CACNA1S: variants seen among roughly 807,000 people sequenced by gnomAD.
CACNA1S encodes the protein voltage-dependent L-type calcium channel subunit alpha-1S.
Under a neutral mutation model 207.4 loss-of-function variants are expected in CACNA1S, and 126 were observed. That is an observed-to-expected ratio of 0.61 (90% CI 0.53 to 0.70). The LOEUF is 0.70. Among genes scored for constraint, CACNA1S ranks in the 30% least tolerant of loss-of-function variants. CACNA1S has a pLI of 0.00. For synonymous variants in CACNA1S, 960 were observed against 932.7 expected (o/e 1.03, Z -0.53); for missense variants, 2,349 against 2,422.8 (o/e 0.97, Z 0.64).
intron 28 of CACNA1S, 135 bp downstream of exon 28, chr1:201,058,273 C>T (rs986094833): frequency 4.9e-5 from 38 of 780,722 alleles, no homozygotes; most frequent in Non-Finnish European, 5.9e-5. Context: ...GGGCAGAAGC[C>T]GTGACTTGTC....
At chr1:201,075,447 C>T in intron 13 of CACNA1S, 48 bp downstream of exon 13, 2 of 1,598,620 alleles carry the variant, frequency 1.3e-6, no homozygotes, top group Non-Finnish European at 1.7e-6. Context: ...GCCCTTTCCC[C>T]CACCCCCTCC....
chr1:201,100,756 G>T (rs1246506659), intron 2 of CACNA1S, among the ~76,000 whole-genome samples: 1 of 152,092 alleles, frequency 6.6e-6, no homozygotes, highest in Non-Finnish European at 1.5e-5. Flanking sequence ...GGGTAATGAG[G>T]ATAATAATAG....
At chr1:201,062,597 T>C in intron 22 of CACNA1S, 83 bp from the exon 23 acceptor site, 1 of 1,231,430 alleles carries the variant, frequency 8.1e-7, no homozygotes, top group East Asian at 2.4e-5. Context: ...GAGTGAACAG[T>C]GGAAGGGGGG....
chr1:201,075,653 G>C, intron 12 of CACNA1S, 38 bp from the exon 13 acceptor site: 8 of 1,611,590 alleles, frequency 5.0e-6, no homozygotes, highest in Non-Finnish European at 5.9e-6. Context: ...GGAACACAGA[G>C]GGGCCTGAGA....
At position 201,110,107 on chromosome 1, in the gene CACNA1S, C is replaced by T. The variant is rs1325310; in HGVS notation, c.258+57G>A. On this transcript the variant is annotated intron_variant, in intron 2 of 43. Transcript: ENST00000362061. ...CCAGAACAGAGTCCACCAAGGGGGC[C>T]TCCCCAAGCCTGGGGCTGCAGGCTC... is the stretch of plus-strand genomic sequence containing the variant. 429,801 of 1,500,426 alleles carry T rather than the reference C, an allele frequency of 0.29. 67,305 individuals carry two copies. The highest frequency in any genetic ancestry group is 0.65 in the East Asian group (28,645 of 44,308). The allele number at this position is 1,500,426 out of a possible 1,614,324, so 92.9% of individuals were successfully genotyped here.
chr1:201,097,486 G>T (rs375911908), intron 2 of CACNA1S, among the ~76,000 whole-genome samples: 1 of 152,112 alleles, frequency 6.6e-6, no homozygotes, highest in African/African-American at 2.4e-5. Flanking sequence ...GTGTCCCTGA[G>T]GCCCACTGTC....
chr1:201,049,180 G>A, intron 34 of CACNA1S, 81 bp from the exon 35 acceptor site: 1 of 967,748 alleles, frequency 1.0e-6, no homozygotes, highest in Non-Finnish European at 1.6e-6. Context: ...TGGGCAATGG[G>A]AAAGAAAGCC....
intron 22 of CACNA1S, among the ~76,000 whole-genome samples, chr1:201,065,506 C>T (rs113098582): frequency 1.3e-5 from 2 of 152,264 alleles, no homozygotes; most frequent in African/African-American, 4.8e-5. Context: ...AGAGATGGGG[C>T]TTGAATTGTA....
chr1:201,068,731 G>A (rs1438887732), intron 19 of CACNA1S, among the ~76,000 whole-genome samples: 1 of 151,992 alleles, frequency 6.6e-6, no homozygotes, highest in Admixed American at 6.5e-5. Flanking sequence ...AATTAGCTGG[G>A]TGTGGTGGCA....
At chr1:201,059,989 A>T (rs1018497800) in intron 26 of CACNA1S, among the ~76,000 whole-genome samples, 1 of 152,232 alleles carries the variant, frequency 6.6e-6, no homozygotes, top group Non-Finnish European at 1.5e-5. Context: ...CCTTGGCAGG[A>T]CTGCCCAATT....
intron 2 of CACNA1S, among the ~76,000 whole-genome samples, chr1:201,102,020 G>A (rs1483388758): frequency 6.6e-6 from 1 of 152,220 alleles, no homozygotes; most frequent in Non-Finnish European, 1.5e-5. Flanking sequence ...GAAGACGGTA[G>A]TCCCCTGGCC....
Position 201,040,221 on chromosome 1 carries a change from C to T in CACNA1S, c.5370+10G>A, listed in dbSNP as rs368138384. 305 of 1,613,178 alleles carry T rather than the reference C, an allele frequency of 1.9e-4. 2 individuals are homozygous for T. In the African/African-American group the frequency reaches 3.2e-3, roughly 17 times the overall value. ...ATGCAGCCACTGCTGTGACCCAGCC[C>T]CTGGCTCACCTTTTGGATCAGCAGG... On this transcript the variant is annotated intron_variant, in intron 43 of 43. Transcript: ENST00000362061.
chr1:201,098,418 C>T (rs1481953092), intron 2 of CACNA1S, among the ~76,000 whole-genome samples: 3 of 152,258 alleles, frequency 2.0e-5, no homozygotes, highest in East Asian at 1.9e-4. Context: ...ATGGCAAATC[C>T]CAGCTGGCAC....
In CACNA1S at chr1:201,076,973, C is replaced by T. The variant is rs763698331; in HGVS notation, c.1774G>A (p.Val592Ile). The stretch of plus-strand genomic sequence containing the variant: ...AAGTTGTCAAAGTTGCTGCGCCGTA[C>T]TTCTGTGTCTTCAAAGTCATACCTC... ...GGRYDFEDTE[V>I]RRSNFDNFPQ... Residue 592 changes from valine (V) to isoleucine (I), a missense_variant, in exon 12 of 44, where the codon GTA becomes ATA. Val to Ile is a conservative substitution (Grantham distance 29, BLOSUM62 3). Transcript: ENST00000362061. 1 of 1,614,254 alleles carries T rather than the reference C, an allele frequency of 6.2e-7. No individual in the cohort carries two copies. Among genetic ancestry groups the T allele is most frequent in the South Asian group, 1.1e-5 (1 of 91,086 alleles).
chr1:201,069,266 A>G (rs1043646549), intron 18 of CACNA1S, 70 bp from the exon 19 acceptor site: 8 of 1,500,476 alleles, frequency 5.3e-6, no homozygotes, highest in Non-Finnish European at 7.4e-6. Context: ...CAGCAGCAGC[A>G]GCATAAAGCA....
chr1:201,055,537 A>T (rs1418908434), intron 28 of CACNA1S, among the ~76,000 whole-genome samples: 8 of 152,230 alleles, frequency 5.3e-5, no homozygotes, highest in African/African-American at 1.9e-4. Flanking sequence ...GCCATTAGCC[A>T]CATGTGACTA....
chr1:201,049,213 T>A (rs1558055526), intron 34 of CACNA1S, 114 bp from the exon 35 acceptor site: 3 of 738,560 alleles, frequency 4.1e-6, no homozygotes, highest in Non-Finnish European at 7.1e-6. Flanking sequence ...AGCATTTCCT[T>A]ATTTTCCAAC....
Position 201,066,201 on chromosome 1 carries a change from T to A in CACNA1S, c.2745+28A>T, listed in dbSNP as rs1661232149. On this transcript the variant is annotated intron_variant, in intron 21 of 43. Coordinates refer to ENST00000362061, the MANE Select transcript of CACNA1S (RefSeq NM_000069.3). This position sits in a 1 kb window ranked among gnomAD's most constrained non-coding sequence, Gnocchi z 4.3. ...CCCTGTAACCCCTCCCATTCCTCTC[T>A]GGGGCTCCTGCCCGGGCCCTCTCTC... 1 of 1,605,680 alleles carries A rather than the reference T, an allele frequency of 6.2e-7. No individual in the cohort carries two copies.
At position 201,053,120 on chromosome 1, in the gene CACNA1S, G is replaced by A. The variant is rs796229177; in HGVS notation, c.3861+89C>T. 75 of 1,435,422 alleles carry A rather than the reference G, an allele frequency of 5.2e-5. No homozygotes were observed. Among genetic ancestry groups the A allele is most frequent in the African/African-American group, 4.6e-4 (33 of 71,476 alleles). 88.9% of individuals were successfully genotyped at this position (1,435,422 alleles called of 1,614,324 possible). On this transcript the variant is annotated intron_variant, in intron 31 of 43. Transcript: ENST00000362061. The surrounding 1 kb of genome is among the most constrained non-coding windows in gnomAD (Gnocchi z 5.1). ...GCAGGGAGGGCGGAGGGTCCAGCCC[G>A]TGTGCTGCTCAGGCTCCTCAGGGTC... is the stretch of plus-strand genomic sequence containing the variant.
Sources: gnomAD v4.1 joint callset for allele counts (sites outside exome capture counted in the v4.1 genomes callset) on GRCh38, gnomAD v4.1.1 for gene constraint, Gnocchi (gnomAD v3.1) non-coding constraint, MANE v1.5 for transcripts, NCBI Gene and HGNC (gene_info 2026-07-23, HGNC 2026-07-21) for gene names.